Variants in GAS6 observed in about 807,000 individuals in gnomAD.
The protein encoded by GAS6 is growth arrest specific 6.
Under a neutral mutation model 75.8 loss-of-function variants are expected in GAS6, and 41 were observed. The observed-to-expected ratio is 0.54, with a 90% CI of 0.42 to 0.70. GAS6 has a LOEUF of 0.70. Ranked by LOEUF, GAS6 falls within the 30% of genes least tolerant of loss-of-function variation. The pLI, the probability that GAS6 is intolerant of heterozygous loss-of-function variation, is 0.00. For missense variants in GAS6, 854 were observed against 940.2 expected, an observed-to-expected ratio of 0.91 and a Z score of 1.20; for synonymous variants, 432 against 412.6, an observed-to-expected ratio of 1.05 and a Z score of -0.57.
chr13:113,843,015 C>T (rs1368712644), intron 4 of GAS6: 1 of 394,598 alleles, frequency 2.5e-6, no homozygotes, highest in Non-Finnish European at 4.4e-6. Context: ...ATTGATACCT[C>T]TAGGATGCAA....
At position 113,834,638 on chromosome 13, in the gene GAS6, C is replaced by A. The variant is rs1306229220; in HGVS notation, c.747G>T (p.Gln249His). ...VDECLQGRCE[Q>H]VCVNSPGSYT... The stretch of plus-strand genomic sequence containing the variant: ...AGCTCCCTGGGGAGTTCACGCAGAC[C>A]TGCTCACAGCGGCCCTGCAGACACT... Residue 249 changes from glutamine to histidine, a missense_variant, in exon 8 of 15, where the codon CAG becomes CAT. Physicochemically the swap from Gln to His is conservative, Grantham distance 24 (BLOSUM62 0). Transcript: ENST00000327773. 2 of 1,604,950 alleles carry A rather than the reference C, an allele frequency of 1.2e-6. No homozygotes were observed. The highest frequency in any genetic ancestry group is 4.5e-5 in the East Asian group (2 of 44,438).
Position 113,842,530 on chromosome 13 carries a change from G to C in GAS6, c.344-2680C>G, listed in dbSNP as rs570423008. 6.3e-4 allele frequency: 248 copies of C among 396,672 alleles called. 2 individuals carry two copies. The highest frequency in any genetic ancestry group is 9.0e-4 in the Non-Finnish European group (204 of 226,020). The allele number at this position is 396,672 out of a possible 1,614,324, so 24.6% of individuals were successfully genotyped here. ...CTGTGTCCGCGGGGCGTCTGGAGAC[G>C]TCGATGTGGTCATAGCAGGGCCTGG... On this transcript the variant is annotated intron_variant, in intron 4 of 14. Transcript: ENST00000327773.
intron 2 of GAS6, among the ~76,000 whole-genome samples, chr13:113,854,016 C>A (rs1594208797): frequency 6.6e-6 from 1 of 152,234 alleles, no homozygotes; most frequent in African/African-American, 2.4e-5. Context: ...GGACCCCAGG[C>A]TGACCTGGAG....
At position 113,832,508 on chromosome 13, in the gene GAS6, AT is replaced by A. The variant is rs959882100; in HGVS notation, c.954-21del. Reference sequence around the variant, plus strand: ...ACCAGCCTGGGCACCCACAGGAGAAATGAGTCAGCACTGGGCACAGGCAGAT... The same window carrying A: ...ACCAGCCTGGGCACCCACAGGAGAAAGAGTCAGCACTGGGCACAGGCAGAT... On this transcript the variant is annotated intron_variant, in intron 9 of 14. Transcript: ENST00000327773. 2.5e-6 allele frequency: 4 copies of A among 1,593,962 alleles called. No homozygotes were observed. Among genetic ancestry groups the A allele is most frequent in the Non-Finnish European group, 3.4e-6 (4 of 1,167,992 alleles).
At chr13:113,825,820 G>C (rs150513133) in intron 12 of GAS6, among the ~76,000 whole-genome samples, 246 of 144,880 alleles carry the variant, frequency 1.7e-3, no homozygotes, top group Non-Finnish European at 2.9e-3. Context: ...TGACACCCGG[G>C]GGGAGACGGT....
chr13:113,857,051 C>A (rs1171517032), intron 2 of GAS6, among the ~76,000 whole-genome samples: 1 of 152,106 alleles, frequency 6.6e-6, no homozygotes, highest in Non-Finnish European at 1.5e-5. Context: ...TCCATGGAGC[C>A]CCAAGTTCCA....
In GAS6 at chr13:113,828,617, T is replaced by A. The variant is rs779439661; in HGVS notation, c.1238A>T (p.Glu413Val). The change falls in exon 11 of 15, where the codon GAG becomes GTG. Residue 413 changes from glutamate (E) to valine (V), a missense_variant. Physicochemically the swap from Glu to Val is moderately radical, Grantham distance 121. Coordinates refer to ENST00000327773, the MANE Select transcript of GAS6 (RefSeq NM_000820.4). ...CAGGTTCAGATGATACAGTCCTCGC[T>A]CCGGTTGGAACAAGTCCCCGGCCAC... The part of the protein sequence containing the change: ...IAVAGDLFQP[E>V]RGLYHLNLTV... The A allele has an allele frequency of 6.2e-7, 1 of 1,613,630 alleles. No homozygotes were observed. The highest frequency in any genetic ancestry group is 8.5e-7 in the Non-Finnish European group (1 of 1,179,994).
intron 6 of GAS6, chr13:113,836,150 G>C (rs2051699889): frequency 1.4e-6 from 1 of 729,048 alleles, no homozygotes; most frequent in Non-Finnish European, 1.6e-6. Flanking sequence ...ACCCTGAAAT[G>C]AAGAGCCCTT....
chr13:113,849,005 T>C (rs772828793), intron 2 of GAS6, among the ~76,000 whole-genome samples: 36 of 152,184 alleles, frequency 2.4e-4, no homozygotes, highest in Non-Finnish European at 4.4e-4. Flanking sequence ...TCTGGCTTCA[T>C]GCGCTGGCTC....
intron 2 of GAS6, among the ~76,000 whole-genome samples, chr13:113,855,191 G>A (rs1191621961): frequency 1.3e-5 from 2 of 152,228 alleles, no homozygotes; most frequent in Non-Finnish European, 2.9e-5. Context: ...TCCTGCACAC[G>A]GCACCCATGC....
At chr13:113,842,697 A>G in intron 4 of GAS6, 1 of 397,004 alleles carries the variant, frequency 2.5e-6, no homozygotes, top group Non-Finnish European at 4.4e-6. Context: ...ACCCTCCGGC[A>G]CCAGAACCTG....
chr13:113,826,926 G>T, intron 12 of GAS6, 70 bp downstream of exon 12: 1 of 1,251,414 alleles, frequency 8.0e-7, no homozygotes, highest in Non-Finnish European at 1.1e-6. Context: ...GAGGCCGTCT[G>T]CTTGCTTTCA....
chr13:113,836,847 TGGGGGGGAGGA>T (rs2051721293), intron 6 of GAS6, among the ~76,000 whole-genome samples: 2 of 18,690 alleles, frequency 1.1e-4, no homozygotes, highest in East Asian at 1.9e-3. Flanking sequence ...GGAGGGGGAG[TGGGGGGGAGGA>T]GGAGGGGGAG....
chr13:113,820,766 G>T lies in GAS6; in HGVS notation c.*98C>A. The T allele has an allele frequency of 7.5e-7, 1 of 1,341,142 alleles. No homozygotes were observed. Among genetic ancestry groups the T allele is most frequent in the Non-Finnish European group, 1.0e-6 (1 of 991,322 alleles). 83.1% of individuals were successfully genotyped at this position (1,341,142 alleles called of 1,614,324 possible). A position where few individuals can be genotyped will look rare whatever the true frequency, so the allele number is the denominator to read the frequency against. On this transcript the variant is annotated 3_prime_UTR_variant, in exon 15 of 15. Transcript: ENST00000327773. ...CAGGCCGGGATGGTCACAGAGGAAA[G>T]CCCAGCTCTCAGCATGGCCCCACGT...
rs754644959 is a variant in GAS6 at position 113,838,183 on chromosome 13, C to T, written c.475G>A (p.Glu159Lys). 8 of 1,612,622 alleles carry T rather than the reference C, an allele frequency of 5.0e-6. 1 individual carries two copies. The South Asian group carries it at 5.5e-5, about 11-fold the overall frequency. The change falls in exon 6 of 15, where the codon GAA (glutamate) becomes AAA (lysine). Residue 159 changes from glutamate (E) to lysine (K), a missense_variant. Physicochemically the swap from Glu to Lys is moderately conservative, Grantham distance 56. Coordinates refer to ENST00000327773, the MANE Select transcript of GAS6 (RefSeq NM_000820.4). Reference protein sequence around the residue: ...GGRLCDKDVNECSQENGGCLQ... With the variant: ...GGRLCDKDVNKCSQENGGCLQ... ...CAGCCCCCGTTCTCCTGGCTGCATT[C>T]GTTGACATCTGGGAACAAGCACAGG...
At chr13:113,826,262 G>C (rs1000907828) in intron 12 of GAS6, among the ~76,000 whole-genome samples, 21 of 152,308 alleles carry the variant, frequency 1.4e-4, no homozygotes, top group Admixed American at 1.2e-3. Context: ...TGTCTCACCG[G>C]GTCATCGGTG....
chr13:113,858,797 G>A (rs1268962291), intron 2 of GAS6, among the ~76,000 whole-genome samples: 2 of 149,494 alleles, frequency 1.3e-5, no homozygotes, highest in South Asian at 4.2e-4. Context: ...GTCTGTGACT[G>A]TATGTATGTC....
chr13:113,857,375 A>G lies in GAS6; in HGVS notation c.255+6200T>C, dbSNP rs2051923241. Among the ~76,000 whole-genome samples the G allele has an allele frequency of 2.0e-5, 3 of 152,348 alleles. 1 individual carries two copies. The South Asian group carries it at 6.2e-4, about 32-fold the overall frequency. On this transcript the variant is annotated intron_variant, in intron 2 of 14. Coordinates refer to ENST00000327773, the MANE Select transcript of GAS6 (RefSeq NM_000820.4). ...TAAAATTTATTTTAAAACTTTTAAA[A>G]TGAACCTTTCACTTGGCCAGGGTCA... is the stretch of plus-strand genomic sequence containing the variant.
At chr13:113,839,692 G>C (rs754349364) in intron 5 of GAS6, 36 bp downstream of exon 5, 6 of 1,609,142 alleles carry the variant, frequency 3.7e-6, no homozygotes, top group Non-Finnish European at 5.1e-6. Flanking sequence ...GTCGGAGATG[G>C]AGGGAGACCC....
Sources: allele counts gnomAD v4.1 joint callset (sites outside exome capture counted in the v4.1 genomes callset), GRCh38; gene constraint gnomAD v4.1.1; transcripts MANE v1.5; gene names NCBI Gene and HGNC (gene_info 2026-07-23, HGNC 2026-07-21).